Variants in KCNQ1OT1 observed in about 807,000 individuals in gnomAD.
KCNQ1OT1 encodes KCNQ1 antisense RNA 2 (non-protein coding).
exon 1 of KCNQ1OT1, chr11:2,681,620 C>T: frequency 2.5e-6 from 1 of 395,458 alleles, no homozygotes; most frequent in Non-Finnish European, 4.4e-6. Flanking sequence ...CCCACCCCCA[C>T]CCAACCTCCC....
In KCNQ1OT1 at chr11:2,659,218, T is replaced by C. The variant is rs1166052799; in HGVS notation, n.40777A>G. On this transcript the variant is annotated non_coding_transcript_exon_variant, in exon 1 of 1. Transcript: ENST00000597346. This position sits in a 1 kb window ranked among gnomAD's most constrained non-coding sequence, Gnocchi z 4.3. The stretch of plus-strand genomic sequence containing the variant: ...ACAATCCAGTATCATTCACAGAAGT[T>C]CCATACCCCTAAAAATACCCTGGGG... The C allele has an allele frequency of 5.0e-6, 2 of 398,504 alleles. No homozygotes were observed. Among genetic ancestry groups the C allele is most frequent in the Middle Eastern group, 6.2e-4 (1 of 1,610 alleles). 24.7% of individuals were successfully genotyped at this position (398,504 alleles called of 1,614,324 possible).
chr11:2,641,209 A>G (rs543759595), exon 1 of KCNQ1OT1: 6 of 398,444 alleles, frequency 1.5e-5, no homozygotes, highest in East Asian at 1.1e-4. Flanking sequence ...GGATTATGTC[A>G]TATTTCTCTT....
Position 2,626,511 on chromosome 11 carries a change from T to G in KCNQ1OT1, n.73484A>C, listed in dbSNP as rs2133810572. ...GTCAATACCACATAGTTTTGATTACTGTAGCTTCGTAATAAGTTGGGGTTT... is the reference window on the plus strand; with the variant it reads ...GTCAATACCACATAGTTTTGATTACGGTAGCTTCGTAATAAGTTGGGGTTT... On this transcript the variant is annotated non_coding_transcript_exon_variant, in exon 1 of 1. Coordinates refer to ENST00000597346, the Ensembl canonical transcript of KCNQ1OT1. The surrounding 1 kb of genome is among the most constrained non-coding windows in gnomAD (Gnocchi z 4.0). The G allele has an allele frequency of 7.5e-6, 3 of 398,656 alleles. No individual in the cohort carries two copies. In the East Asian group the frequency reaches 1.1e-4, roughly 14 times the overall value. 24.7% of individuals were successfully genotyped at this position (398,656 alleles called of 1,614,324 possible).
chr11:2,666,564 G>A (rs1367761167), exon 1 of KCNQ1OT1: 5 of 398,532 alleles, frequency 1.3e-5, no homozygotes, highest in Non-Finnish European at 2.2e-5. Context: ...TTCTGCATTT[G>A]TCAGCAAGGA....
chr11:2,660,732 T>C (rs946262501), exon 1 of KCNQ1OT1: 15 of 398,512 alleles, frequency 3.8e-5, no homozygotes, highest in African/African-American at 2.9e-4. Context: ...CAACACTTCA[T>C]TCAGGCATGG....
At chr11:2,640,112 T>G (rs1849549087) in exon 1 of KCNQ1OT1, 1 of 293,508 alleles carries the variant, frequency 3.4e-6, no homozygotes, top group Non-Finnish European at 6.2e-6. Context: ...TGTCACCCCT[T>G]CCGTTGGCTA....
In KCNQ1OT1 at chr11:2,683,373, C is replaced by T. The variant is rs1314722851; in HGVS notation, n.16622G>A. The T allele has an allele frequency of 1.8e-5, 7 of 398,522 alleles. No individual in the cohort carries two copies. The highest frequency in any genetic ancestry group is 4.4e-5 in the Admixed American group (1 of 22,716). The allele number at this position is 398,522 out of a possible 1,614,324, so 24.7% of individuals were successfully genotyped here. ...TGCCTGCCACTGCTGTCTGCAAATGCAGGTTCCTGGGGCTCTGGGTGGTTT... is the reference window on the plus strand; with the variant it reads ...TGCCTGCCACTGCTGTCTGCAAATGTAGGTTCCTGGGGCTCTGGGTGGTTT... On this transcript the variant is annotated non_coding_transcript_exon_variant, in exon 1 of 1. Coordinates refer to ENST00000597346, the Ensembl canonical transcript of KCNQ1OT1. This position sits in a 1 kb window ranked among gnomAD's most constrained non-coding sequence, Gnocchi z 4.7.
rs1850139012 is a variant in KCNQ1OT1, at chr11:2,669,253, C to T, written n.30742G>A. 7.5e-6 allele frequency: 3 copies of T among 398,582 alleles called. No homozygotes were observed. The highest frequency in any genetic ancestry group is 1.3e-4 in the South Asian group (1 of 7,864). The allele number at this position is 398,582 out of a possible 1,614,324, so 24.7% of individuals were successfully genotyped here. On this transcript the variant is annotated non_coding_transcript_exon_variant, in exon 1 of 1. Coordinates refer to ENST00000597346, the Ensembl canonical transcript of KCNQ1OT1. The surrounding 1 kb of genome is among the most constrained non-coding windows in gnomAD (Gnocchi z 5.6). ...GCTGGCTCTGGCTGCTTCTCCTTCC[C>T]CATCACTGGCTTTGCTGTCTTTGCA...
Position 2,653,545 on chromosome 11 carries a change from C to T in KCNQ1OT1, n.46450G>A, listed in dbSNP as rs183277216. The T allele has an allele frequency of 5.0e-6, 2 of 398,812 alleles. No individual in the cohort carries two copies. The highest frequency in any genetic ancestry group is 4.1e-5 in the African/African-American group (2 of 48,646). 24.7% of individuals were successfully genotyped at this position (398,812 alleles called of 1,614,324 possible). ...TGCTCTCACTCTCCCCTCTTGCACT[C>T]CCCTTCTCCCTTCCCGTTCCCTCTT... On this transcript the variant is annotated non_coding_transcript_exon_variant, in exon 1 of 1. Coordinates refer to ENST00000597346, the Ensembl canonical transcript of KCNQ1OT1. This position sits in a 1 kb window ranked among gnomAD's most constrained non-coding sequence, Gnocchi z 5.3.
At chr11:2,692,873 T>G in exon 1 of KCNQ1OT1, 3 of 398,688 alleles carry the variant, frequency 7.5e-6, no homozygotes, top group Non-Finnish European at 8.8e-6. Context: ...GAAGGCACTG[T>G]GCTGTGTAGA....
chr11:2,614,303 T>C, exon 1 of KCNQ1OT1: 1 of 398,628 alleles, frequency 2.5e-6, no homozygotes, highest in Non-Finnish European at 4.4e-6. Flanking sequence ...GAGTCTTCTT[T>C]TTCTGGTGAT....
At chr11:2,625,120 A>G (rs1434788589) in exon 1 of KCNQ1OT1, 1 of 398,528 alleles carries the variant, frequency 2.5e-6, no homozygotes, top group Non-Finnish European at 4.4e-6. Flanking sequence ...GATGGATCAG[A>G]TAATTCTGTT....
At position 2,617,547 on chromosome 11, in the gene KCNQ1OT1, G is replaced by C. The variant is rs1478517144; in HGVS notation, n.82448C>G. ...ATAGGAGCGCAGATATCTTTATGAG[G>C]TGGAGATTTCATTTTCTTTGGGAAT... On this transcript the variant is annotated non_coding_transcript_exon_variant, in exon 1 of 1. Coordinates refer to ENST00000597346, the Ensembl canonical transcript of KCNQ1OT1. This position sits in a 1 kb window ranked among gnomAD's most constrained non-coding sequence, Gnocchi z 4.6. The C allele has an allele frequency of 2.5e-6, 1 of 398,322 alleles. No homozygotes were observed. The highest frequency in any genetic ancestry group is 2.1e-5 in the African/African-American group (1 of 48,620). The allele number at this position is 398,322 out of a possible 1,614,324, so 24.7% of individuals were successfully genotyped here.
At position 2,658,965 on chromosome 11, in the gene KCNQ1OT1, CAT is replaced by C. The variant is rs1849901429; in HGVS notation, n.41028_41029del. ...GTTTAGGACAGACTTTTGCTTTAAC[CAT>C]AGAGTGTCCAGTCAAAACAGTGTTT... On this transcript the variant is annotated non_coding_transcript_exon_variant, in exon 1 of 1. Transcript: ENST00000597346. The surrounding 1 kb of genome is among the most constrained non-coding windows in gnomAD (Gnocchi z 4.9). 1 of 398,532 alleles carries C rather than the reference CAT, an allele frequency of 2.5e-6. No individual in the cohort carries two copies. Among genetic ancestry groups the C allele is most frequent in the Non-Finnish European group, 4.4e-6 (1 of 226,022 alleles). 24.7% of individuals were successfully genotyped at this position (398,532 alleles called of 1,614,324 possible).
rs1429872968 is a variant in KCNQ1OT1, at chr11:2,657,875, G to A, written n.42120C>T. 42 of 398,486 alleles carry A rather than the reference G, an allele frequency of 1.1e-4. No homozygotes were observed. The East Asian group carries it at 1.5e-3, about 14-fold the overall frequency. 24.7% of individuals were successfully genotyped at this position (398,486 alleles called of 1,614,324 possible). The stretch of plus-strand genomic sequence containing the variant: ...AGGGTTATAGGTTTAGGGGAAGGAG[G>A]CCAGTGAGGTGAGATGCTTTCCTCA... On this transcript the variant is annotated non_coding_transcript_exon_variant, in exon 1 of 1. Coordinates refer to ENST00000597346, the Ensembl canonical transcript of KCNQ1OT1. This position sits in a 1 kb window ranked among gnomAD's most constrained non-coding sequence, Gnocchi z 4.8.
rs1383035176 is a variant in KCNQ1OT1 at position 2,620,211 on chromosome 11, A to ATATATATATATTTT, written n.79783_79784insAAAATATATATATA. 1 of 252,758 alleles carries ATATATATATATTTT rather than the reference A, an allele frequency of 4.0e-6. No homozygotes were observed. Among genetic ancestry groups the ATATATATATATTTT allele is most frequent in the African/African-American group, 2.6e-5 (1 of 37,830 alleles). 15.7% of individuals were successfully genotyped at this position (252,758 alleles called of 1,614,324 possible). On this transcript the variant is annotated non_coding_transcript_exon_variant, in exon 1 of 1. Coordinates refer to ENST00000597346, the Ensembl canonical transcript of KCNQ1OT1. The surrounding 1 kb of genome is among the most constrained non-coding windows in gnomAD (Gnocchi z 4.5). ...TAAGTTCATTCATGTATATATATAT[A>ATATATATATATTTT]TTTTTTTTTTTTATTTTTTTTTTAG... is the stretch of plus-strand genomic sequence containing the variant.
Position 2,674,832 on chromosome 11 carries a change from TAAA to T in KCNQ1OT1, n.25160_25162del, listed in dbSNP as rs34219164. 0.028 allele frequency: 8,235 copies of T among 290,378 alleles called. No homozygotes were observed. Among genetic ancestry groups the T allele is most frequent in the Middle Eastern group, 0.032 (39 of 1,210 alleles). The allele number at this position is 290,378 out of a possible 1,614,324, so 18.0% of individuals were successfully genotyped here. ...GCTTGTCACCCTAATAGCTGTTTTT[TAAA>T]AAAAAAAAAAAAAAAAAAAAAAAAA... On this transcript the variant is annotated non_coding_transcript_exon_variant, in exon 1 of 1. Coordinates refer to ENST00000597346, the Ensembl canonical transcript of KCNQ1OT1. The surrounding 1 kb of genome is among the most constrained non-coding windows in gnomAD (Gnocchi z 5.9).
In KCNQ1OT1 at chr11:2,678,850, C is replaced by T. The variant is rs1003905941; in HGVS notation, n.21145G>A. ...ACTTCAAGGAAGGCAGAATCCAGGT[C>T]GGGGGTGCACAGGAGTTGCCAGCTG... On this transcript the variant is annotated non_coding_transcript_exon_variant, in exon 1 of 1. Transcript: ENST00000597346. The surrounding 1 kb of genome is among the most constrained non-coding windows in gnomAD (Gnocchi z 4.9). 6 of 398,402 alleles carry T rather than the reference C, an allele frequency of 1.5e-5. No homozygotes were observed. Among genetic ancestry groups the T allele is most frequent in the African/African-American group, 2.1e-5 (1 of 48,578 alleles). The allele number at this position is 398,402 out of a possible 1,614,324, so 24.7% of individuals were successfully genotyped here. A position where few individuals can be genotyped will look rare whatever the true frequency, so the allele number is the denominator to read the frequency against.
chr11:2,610,481 A>G (rs572123569), exon 1 of KCNQ1OT1: 1 of 398,310 alleles, frequency 2.5e-6, no homozygotes, highest in South Asian at 1.3e-4. Flanking sequence ...TGAGTTACCA[A>G]CTGGTGGTAT....
Sources: gnomAD v4.1 joint callset for allele counts on GRCh38, gnomAD v4.1.1 for gene constraint, Gnocchi (gnomAD v3.1) non-coding constraint, MANE v1.5 for transcripts, NCBI Gene and HGNC (gene_info 2026-07-23, HGNC 2026-07-21) for gene names.